The following ABCC8 variants were observed in gnomAD, a reference collection of about 807,000 sequenced individuals.
ABCC8 encodes the protein ATP binding cassette subfamily C member 8.
A neutral mutation model predicts 188.0 loss-of-function variants in ABCC8; 137 were observed. That is an observed-to-expected ratio of 0.73 (90% CI 0.63 to 0.84). ABCC8 has a LOEUF of 0.84. ABCC8 is among the 40% of genes least tolerant of loss of function. The pLI, the probability that ABCC8 is intolerant of heterozygous loss-of-function variation, is 0.00. For synonymous variants in ABCC8, 797 were observed against 846.5 expected, an observed-to-expected ratio of 0.94 and a Z score of 1.01; for missense variants, 1,750 against 2,072.7, an observed-to-expected ratio of 0.84 and a Z score of 3.02.
chr11:17,407,222 C>G (rs533832638), intron 24 of ABCC8, 93 bp from the exon 25 acceptor site: 3 of 1,605,128 alleles, frequency 1.9e-6, no homozygotes, highest in Non-Finnish European at 2.6e-6. Context: ...GAGGGGACAA[C>G]GGGGGCACAC....
intron 23 of ABCC8, 38 bp from the exon 24 acceptor site, chr11:17,407,491 T>C: frequency 6.2e-7 from 1 of 1,614,026 alleles, no homozygotes; most frequent in Non-Finnish European, 8.5e-7. Context: ...GTCTTCAGGA[T>C]ATATGGTTGG....
At position 17,427,211 on chromosome 11, in the gene ABCC8, T is replaced by G; in HGVS notation, c.2117-57A>C. 6.5e-7 allele frequency: 1 copy of G among 1,530,668 alleles called. No individual in the cohort carries two copies. Among genetic ancestry groups the G allele is most frequent in the South Asian group, 1.2e-5 (1 of 80,926 alleles). The allele number at this position is 1,530,668 out of a possible 1,614,324, so 94.8% of individuals were successfully genotyped here. A position where few individuals can be genotyped will look rare whatever the true frequency, so the allele number is the denominator to read the frequency against. On this transcript the variant is annotated intron_variant, in intron 15 of 38. Coordinates refer to ENST00000389817, the MANE Select transcript of ABCC8 (RefSeq NM_000352.6). The surrounding 1 kb of genome is among the most constrained non-coding windows in gnomAD (Gnocchi z 5.0). ...GGGCCGGGGGAGTCTGAACAACCAT[T>G]ACCCAGAAAGACAGACAGACAGATG... is the stretch of plus-strand genomic sequence containing the variant.
intron 17 of ABCC8, among the ~76,000 whole-genome samples, chr11:17,416,459 T>C (rs1272458077): frequency 6.6e-6 from 1 of 152,168 alleles, no homozygotes; most frequent in Non-Finnish European, 1.5e-5. Context: ...TTTTTCTGTC[T>C]TTCCTGTCAC....
chr11:17,470,000 T>A (rs1466338443), intron 3 of ABCC8, 101 bp downstream of exon 3: 2 of 1,464,830 alleles, frequency 1.4e-6, no homozygotes, highest in Admixed American at 1.7e-5. Flanking sequence ...ATTCCAAATC[T>A]CTACTGTTTA....
rs772957479 is a variant in ABCC8, at chr11:17,412,663, C to T, written c.2556+3G>A. 39 of 1,610,374 alleles carry T rather than the reference C, an allele frequency of 2.4e-5. No individual in the cohort carries two copies. In the East Asian group the frequency reaches 8.7e-4, roughly 36 times the overall value. The stretch of plus-strand genomic sequence containing the variant: ...CCAGGACCCCAAGGGAACTTGCACT[C>T]ACCAAGAAGACAACGTTGGCGTGCT... On this transcript the variant is annotated splice_donor_region_variant and intron_variant, in intron 21 of 38. Transcript: ENST00000389817.
At chr11:17,403,965 C>A (rs980518090) in intron 28 of ABCC8, among the ~76,000 whole-genome samples, 1 of 152,028 alleles carries the variant, frequency 6.6e-6, no homozygotes, top group Non-Finnish European at 1.5e-5. Context: ...GAAAGAACTC[C>A]CTAGAGAACA....
Position 17,443,017 on chromosome 11 carries a change from C to T in ABCC8, c.1468-135G>A, listed in dbSNP as rs537074661. On this transcript the variant is annotated intron_variant, in intron 9 of 38. Transcript: ENST00000389817. ...GGGAGGCAGCCTCCTCCCCCATTGA[C>T]TCCATTTCCCAGACAAAGAAGCTGA... is the stretch of plus-strand genomic sequence containing the variant. 320 of 1,531,406 alleles carry T rather than the reference C, an allele frequency of 2.1e-4. 1 individual carries two copies. In the South Asian group the frequency reaches 3.4e-3, roughly 16 times the overall value. 94.9% of individuals were successfully genotyped at this position (1,531,406 alleles called of 1,614,324 possible). A position where few individuals can be genotyped will look rare whatever the true frequency, so the allele number is the denominator to read the frequency against.
At chr11:17,418,880 T>G (rs1955204169) in intron 16 of ABCC8, among the ~76,000 whole-genome samples, 1 of 152,190 alleles carries the variant, frequency 6.6e-6, no homozygotes, top group Non-Finnish European at 1.5e-5. Context: ...AACAGATATA[T>G]TAATCATTTG....
intron 16 of ABCC8, among the ~76,000 whole-genome samples, chr11:17,423,445 C>T (rs943406433): frequency 4.0e-5 from 6 of 150,792 alleles, no homozygotes; most frequent in East Asian, 3.9e-4. Flanking sequence ...ATACACTAGG[C>T]GCTCAACTGG....
At chr11:17,441,891 C>T (rs532747203) in intron 10 of ABCC8, among the ~76,000 whole-genome samples, 30 of 152,126 alleles carry the variant, frequency 2.0e-4, no homozygotes, top group Admixed American at 1.8e-3. Context: ...ACTAGCCTGG[C>T]CAATATGGTG....
At chr11:17,470,289 C>T (rs1848411706) in intron 2 of ABCC8, 67 bp from the exon 3 acceptor site, 2 of 1,609,152 alleles carry the variant, frequency 1.2e-6, no homozygotes, top group Admixed American at 3.4e-5. Flanking sequence ...CAGCCCAGGC[C>T]TTGAATTTCA....
At chr11:17,412,942 T>G (rs935663774) in intron 20 of ABCC8, 196 bp from the exon 21 acceptor site, 2 of 1,232,346 alleles carry the variant, frequency 1.6e-6, no homozygotes, top group Non-Finnish European at 2.2e-6. Context: ...GAGCCCCAAG[T>G]CTTTAAAGAT....
intron 10 of ABCC8, among the ~76,000 whole-genome samples, chr11:17,439,083 C>T (rs888947852): frequency 4.6e-5 from 7 of 152,222 alleles, no homozygotes; most frequent in South Asian, 2.1e-4. Context: ...TCCCTTCCCT[C>T]CTTCCTGGTG....
rs868043719 is a variant in ABCC8, at chr11:17,443,398, C to G, written c.1333-86G>C. ...TGGCAAAATCCCTGTTTCCCCAGTC[C>G]CCTAGAGTGGGACAAGCCTTGGTGC... On this transcript the variant is annotated intron_variant, in intron 8 of 38. Coordinates refer to ENST00000389817, the MANE Select transcript of ABCC8 (RefSeq NM_000352.6). The G allele has an allele frequency of 3.0e-5, 48 of 1,605,878 alleles. No homozygotes were observed. The Middle Eastern group carries it at 6.5e-3, about 216-fold the overall frequency.
chr11:17,474,632 C>G (rs770878925), intron 2 of ABCC8, among the ~76,000 whole-genome samples: 3 of 151,780 alleles, frequency 2.0e-5, no homozygotes, highest in African/African-American at 2.4e-5. Context: ...CTAATAGGCT[C>G]TAGCATTATT....
chr11:17,447,585 C>T (rs879411755), intron 8 of ABCC8, among the ~76,000 whole-genome samples: 2 of 152,136 alleles, frequency 1.3e-5, no homozygotes, highest in Non-Finnish European at 2.9e-5. Flanking sequence ...ACCACCACAT[C>T]TGGCTAAAAA....
At chr11:17,439,481 C>G (rs1245817921) in intron 10 of ABCC8, among the ~76,000 whole-genome samples, 2 of 152,104 alleles carry the variant, frequency 1.3e-5, no homozygotes, top group Non-Finnish European at 2.9e-5. Context: ...CGCCTAATGA[C>G]CTGTGTCTTG....
Position 17,413,487 on chromosome 11 carries a change from G to A in ABCC8, c.2391-9C>T, listed in dbSNP as rs780814554. On this transcript the variant is annotated splice_polypyrimidine_tract_variant and intron_variant, in intron 19 of 38. Coordinates refer to ENST00000389817, the MANE Select transcript of ABCC8 (RefSeq NM_000352.6). ...CAATGACCATCTTGTACCTGGCGTG[G>A]GTAGAGGCAGGGGATGCAGCTGGTC... is the stretch of plus-strand genomic sequence containing the variant. The A allele has an allele frequency of 5.0e-6, 8 of 1,613,576 alleles. No individual in the cohort carries two copies. In the Admixed American group the frequency reaches 1.3e-4, roughly 27 times the overall value.
Position 17,404,709 on chromosome 11 carries a change from TA to T in ABCC8, c.3400-41del, listed in dbSNP as rs1029700531. The T allele has an allele frequency of 1.1e-5, 18 of 1,569,398 alleles. No homozygotes were observed. The highest frequency in any genetic ancestry group is 1.6e-5 in the Non-Finnish European group (18 of 1,157,912). ...GGGGAGAGAGTGAGGTGAATTTTGG[TA>T]TTGACTGTGTTTAGAGTGCTACTGG... On this transcript the variant is annotated intron_variant, in intron 27 of 38. Coordinates refer to ENST00000389817, the MANE Select transcript of ABCC8 (RefSeq NM_000352.6). The surrounding 1 kb of genome is among the most constrained non-coding windows in gnomAD (Gnocchi z 4.7).
Sources: allele counts gnomAD v4.1 joint callset (sites outside exome capture counted in the v4.1 genomes callset), GRCh38; gene constraint gnomAD v4.1.1; non-coding constraint Gnocchi (gnomAD v3.1); transcripts MANE v1.5; gene names NCBI Gene and HGNC (gene_info 2026-07-23, HGNC 2026-07-21).